Variants in DZIP3 observed in about 807,000 individuals in gnomAD.
The protein encoded by DZIP3 is E3 ubiquitin-protein ligase DZIP3.
In DZIP3, 118 loss-of-function variants were observed where a neutral mutation model predicts 162.0. That is an observed-to-expected ratio of 0.73 (90% confidence interval 0.63 to 0.85). DZIP3 has a LOEUF of 0.85. Among genes scored for constraint, DZIP3 ranks in the 40% least tolerant of loss-of-function variants. DZIP3 has a pLI of 0.00. For missense variants in DZIP3, 1,331 were observed against 1,407.0 expected (o/e 0.95, Z 0.86); for synonymous variants, 438 against 458.6 (o/e 0.96, Z 0.57).
Position 108,655,042 on chromosome 3 carries a change from G to C in DZIP3, c.2199+732G>C, listed in dbSNP as rs573671402. ...ACCTTTTTTCTCCTAATTAGAATAT[G>C]TACATTTTAACTGAAATGACATATT... is the stretch of plus-strand genomic sequence containing the variant. On this transcript the variant is annotated intron_variant, in intron 19 of 32. Coordinates refer to ENST00000361582, the MANE Select transcript of DZIP3 (RefSeq NM_014648.4). Among the ~76,000 whole-genome samples, 17 of 152,088 alleles carry C rather than the reference G, an allele frequency of 1.1e-4. No individual in the cohort carries two copies. The South Asian group carries it at 3.5e-3, about 32-fold the overall frequency.
At chr3:108,621,072 C>A (rs796309740) in intron 5 of DZIP3, among the ~76,000 whole-genome samples, 1 of 152,164 alleles carries the variant, frequency 6.6e-6, no homozygotes, top group Non-Finnish European at 1.5e-5. Context: ...CTGCCTGCCT[C>A]GGCCTCCCAA....
intron 4 of DZIP3, among the ~76,000 whole-genome samples, chr3:108,613,150 C>T (rs1463544642): frequency 6.6e-6 from 1 of 150,380 alleles, no homozygotes; most frequent in Non-Finnish European, 1.5e-5. Context: ...GAAATGAGGA[C>T]CTGAATGGAA....
chr3:108,653,252 C>T lies in DZIP3; in HGVS notation c.2034-893C>T, dbSNP rs774146999. On this transcript the variant is annotated intron_variant, in intron 18 of 32. Transcript: ENST00000361582. ...ATATCGTGTTTTATGAATTATTCCA[C>T]AAGCATTAATTTCATTTTTTTCTAG... Among the ~76,000 whole-genome samples, 9 of 151,658 alleles carry T rather than the reference C, an allele frequency of 5.9e-5. No homozygotes were observed. In the East Asian group the frequency reaches 1.5e-3, roughly 26 times the overall value.
chr3:108,676,338 A>G (rs1051495410), intron 25 of DZIP3, among the ~76,000 whole-genome samples: 10 of 152,050 alleles, frequency 6.6e-5, no homozygotes, highest in African/African-American at 2.4e-4. Context: ...TAAAAACTAA[A>G]TGTTTTAATG....
At chr3:108,654,479 G>T in intron 19 of DZIP3, 169 bp downstream of exon 19, 1 of 668,214 alleles carries the variant, frequency 1.5e-6, no homozygotes, top group South Asian at 2.0e-5. Context: ...AATAGAATAA[G>T]GAAAAAAAAG....
chr3:108,655,914 G>A lies in DZIP3; in HGVS notation c.2199+1604G>A, dbSNP rs867828384. 2.6e-5 allele frequency among the ~76,000 whole-genome samples: 4 copies of A among 152,186 alleles called. No homozygotes were observed. In the South Asian group the frequency reaches 8.3e-4, roughly 32 times the overall value. On this transcript the variant is annotated intron_variant, in intron 19 of 32. Coordinates refer to ENST00000361582, the MANE Select transcript of DZIP3 (RefSeq NM_014648.4). The stretch of plus-strand genomic sequence containing the variant: ...TCACTCATTGCTAGCACAGCAGTCT[G>A]AGCAAACTGCATGGTGGCAGCGAGG...
chr3:108,628,910 A>G, intron 7 of DZIP3, 152 bp from the exon 8 acceptor site: 1 of 506,980 alleles, frequency 2.0e-6, no homozygotes, highest in South Asian at 3.3e-5. Flanking sequence ...AATCTGCCAC[A>G]GGTGAGAGTG....
chr3:108,621,643 T>A (rs1448742282), intron 5 of DZIP3, among the ~76,000 whole-genome samples: 1 of 152,150 alleles, frequency 6.6e-6, no homozygotes, highest in Non-Finnish European at 1.5e-5. Context: ...AAGAGAACCC[T>A]CTTACACTGT....
intron 4 of DZIP3, among the ~76,000 whole-genome samples, chr3:108,614,809 A>G (rs549027909): frequency 5.3e-5 from 8 of 152,148 alleles, no homozygotes; most frequent in African/African-American, 1.9e-4. Flanking sequence ...GAGTTTTCCA[A>G]AATTTCCCCG....
At chr3:108,619,600 A>C (rs913201434) in intron 5 of DZIP3, among the ~76,000 whole-genome samples, 3 of 152,122 alleles carry the variant, frequency 2.0e-5, no homozygotes, top group Non-Finnish European at 4.4e-5. Context: ...GCCGGAAGCA[A>C]AAAGGGATGA....
At chr3:108,611,062 G>A in intron 3 of DZIP3, 112 bp from the exon 4 acceptor site, 2 of 1,044,678 alleles carry the variant, frequency 1.9e-6, no homozygotes, top group Non-Finnish European at 2.7e-6. Context: ...GAAGCTAGGA[G>A]AACAAGGGAA....
chr3:108,631,055 A>ATACACTCTCTCT lies in DZIP3; in HGVS notation c.696+1879_696+1880insTACACTCTCTCT, dbSNP rs1553705360. 7.5e-3 allele frequency among the ~76,000 whole-genome samples: 136 copies of ATACACTCTCTCT among 18,034 alleles called. 7 individuals carry two copies. The highest frequency in any genetic ancestry group is 0.062 in the Middle Eastern group (1 of 16). The allele number at this position is 18,034 out of a possible 152,430, so 11.8% of individuals were successfully genotyped here. On this transcript the variant is annotated intron_variant, in intron 8 of 32. Transcript: ENST00000361582. ...CACACACACACACACACACACACAC[A>ATACACTCTCTCT]CTCTCTCTCTCTCTCTCTCTCTCTC...
At chr3:108,631,055 A>ACACACATACACTCTCTCTCTCT in intron 8 of DZIP3, among the ~76,000 whole-genome samples, 12 of 18,008 alleles carry the variant, frequency 6.7e-4, no homozygotes, top group African/African-American at 1.1e-3. Context: ...ACACACACAC[A>ACACACATACACTCTCTCTCTCT]CTCTCTCTCT....
In DZIP3 at chr3:108,616,583, C is replaced by A. The variant is rs772522908; in HGVS notation, c.301C>A (p.Pro101Thr). 24 of 1,608,064 alleles carry A rather than the reference C, an allele frequency of 1.5e-5. No homozygotes were observed. The South Asian group carries it at 2.5e-4, about 17-fold the overall frequency. The change falls in exon 5 of 33, where the codon CCT becomes ACT. Residue 101 changes from proline to threonine, a missense_variant. Coordinates refer to ENST00000361582, the MANE Select transcript of DZIP3 (RefSeq NM_014648.4). Reference sequence around the variant, plus strand: ...CAGCCAGAATGGTGAGGAAATTGTTCCTGCTTTGACTTTACGTTTCTTGAT... The same window carrying A: ...CAGCCAGAATGGTGAGGAAATTGTTACTGCTTTGACTTTACGTTTCTTGAT... ...ANSQNGEEIV[P>T]ALTLRFLITQ... is the part of the protein sequence containing the mutation.
intron 8 of DZIP3, among the ~76,000 whole-genome samples, chr3:108,631,043 A>ACTCTCT (rs1559741160): frequency 8.9e-5 from 8 of 90,284 alleles, no homozygotes; most frequent in African/African-American, 3.6e-4. Flanking sequence ...ACACACACAC[A>ACTCTCT]CACACACACA....
chr3:108,656,308 C>T (rs771954980), intron 19 of DZIP3, among the ~76,000 whole-genome samples: 51 of 152,270 alleles, frequency 3.3e-4, no homozygotes, highest in East Asian at 3.9e-4. Flanking sequence ...TCCAGAGGAA[C>T]GATCAGGCAG....
chr3:108,636,394 A>G (rs3111479), intron 10 of DZIP3, among the ~76,000 whole-genome samples: 22,996 of 151,972 alleles, frequency 0.15, 2,168 homozygotes, highest in Non-Finnish European at 0.22. Context: ...TCTGTAATAC[A>G]GCTACTTGAA....
At chr3:108,605,213 A>AG in intron 1 of DZIP3, 122 bp from the exon 2 acceptor site, 2 of 701,660 alleles carry the variant, frequency 2.9e-6, no homozygotes, top group South Asian at 1.8e-5. Context: ...TGGCGAAACT[A>AG]TGATTCATTT....
intron 4 of DZIP3, among the ~76,000 whole-genome samples, chr3:108,615,287 G>C (rs1940945476): frequency 6.6e-6 from 1 of 152,196 alleles, no homozygotes; most frequent in African/African-American, 2.4e-5. Context: ...TTGGGAGACT[G>C]ATTTGAAACC....
Sources: gnomAD v4.1 joint callset for allele counts (sites outside exome capture counted in the v4.1 genomes callset) on GRCh38, gnomAD v4.1.1 for gene constraint, MANE v1.5 for transcripts, NCBI Gene and HGNC (gene_info 2026-07-23, HGNC 2026-07-21) for gene names.